ITGA2: variants seen among roughly 807,000 people sequenced by gnomAD.
ITGA2 encodes integrin subunit alpha 2.
A neutral mutation model predicts 146.3 loss-of-function variants in ITGA2; 101 were observed. The ratio of observed to expected loss-of-function variants is 0.69; its 90% CI spans 0.59 to 0.81. ITGA2 has a LOEUF of 0.81. Among genes scored for constraint, ITGA2 ranks in the 40% least tolerant of loss-of-function variants. ITGA2 has a pLI of 0.00. For missense variants in ITGA2, 1,281 were observed against 1,402.7 expected (o/e 0.91, Z 1.39); for synonymous variants, 477 against 487.1 (o/e 0.98, Z 0.27).
At chr5:53,019,357 A>G (rs957848579) in intron 1 of ITGA2, among the ~76,000 whole-genome samples, 10 of 152,170 alleles carry the variant, frequency 6.6e-5, no homozygotes, top group African/African-American at 2.4e-4. Flanking sequence ...TAAGTTTAAA[A>G]TTGTGTATCG....
chr5:53,048,819 A>C (rs1292992082), intron 6 of ITGA2, 49 bp downstream of exon 6: 11 of 1,597,306 alleles, frequency 6.9e-6, no homozygotes, highest in Non-Finnish European at 9.4e-6. Context: ...CTTTCTGAAA[A>C]AAATATTGTT....
intron 1 of ITGA2, 21 bp downstream of exon 1, chr5:52,989,553 G>C (rs1383258674): frequency 6.2e-7 from 1 of 1,613,792 alleles, no homozygotes; most frequent in Non-Finnish European, 8.5e-7. Context: ...ATTTCGCTCT[G>C]CATCGGCTGC....
intron 10 of ITGA2, 133 bp downstream of exon 10, chr5:53,058,234 G>T: frequency 5.5e-6 from 4 of 732,466 alleles, no homozygotes; most frequent in Non-Finnish European, 9.8e-6. Flanking sequence ...CGGTCATTTA[G>T]TTTCTTTGTG....
intron 14 of ITGA2, 132 bp from the exon 15 acceptor site, chr5:53,065,709 T>G: frequency 8.3e-7 from 1 of 1,200,294 alleles, no homozygotes; most frequent in South Asian, 1.3e-5. Context: ...AAAATGAATC[T>G]TTAGAATTTG....
rs937760963 is a variant in ITGA2 at position 53,065,181 on chromosome 5, G to C, written c.1806+66G>C. 2.2e-5 allele frequency: 33 copies of C among 1,478,042 alleles called. 1 individual carries two copies. The South Asian group carries it at 3.6e-4, about 16-fold the overall frequency. 91.6% of individuals were successfully genotyped at this position (1,478,042 alleles called of 1,614,324 possible). The stretch of plus-strand genomic sequence containing the variant: ...TCTTATCATATTAGACATAGAAAGC[G>C]TCATGTAAACCATGCAATCCGTCCG... On this transcript the variant is annotated intron_variant, in intron 14 of 29. Coordinates refer to ENST00000296585, the MANE Select transcript of ITGA2 (RefSeq NM_002203.4).
At chr5:53,025,596 A>T (rs950423413) in intron 1 of ITGA2, among the ~76,000 whole-genome samples, 3 of 152,228 alleles carry the variant, frequency 2.0e-5, no homozygotes, top group African/African-American at 7.2e-5. Context: ...CCTGAAATGC[A>T]GAGGCGCAAT....
At chr5:53,043,231 T>C (rs2111889484) in intron 3 of ITGA2, among the ~76,000 whole-genome samples, 1 of 151,014 alleles carries the variant, frequency 6.6e-6, no homozygotes, top group African/African-American at 2.4e-5. Context: ...AACACAAATA[T>C]ATACATTTGG....
At position 53,093,662 on chromosome 5, in the gene ITGA2, G is replaced by A. The variant is rs951457402; in HGVS notation, c.*3063G>A. ...AAGAAATTTAGGGGGAAAAAACATT[G>A]TTTAAATAAAAGCTATGTGTTCCTA... is the stretch of plus-strand genomic sequence containing the variant. On this transcript the variant is annotated 3_prime_UTR_variant, in exon 30 of 30. Transcript: ENST00000296585. The A allele has an allele frequency of 1.3e-5, 2 of 152,138 alleles. No homozygotes were observed. The highest frequency in any genetic ancestry group is 4.8e-5 in the African/African-American group (2 of 41,414). The allele number at this position is 152,138 out of a possible 1,614,324, so 9.4% of individuals were successfully genotyped here.
In ITGA2 at chr5:53,010,039, G is replaced by A. The variant is rs538216595; in HGVS notation, c.65-16709G>A. 4.3e-4 allele frequency among the ~76,000 whole-genome samples: 65 copies of A among 152,286 alleles called. No homozygotes were observed. The South Asian group carries it at 6.4e-3, about 15-fold the overall frequency. ...AAAGCATCCTCTGAAAGCAAAGGGT[G>A]TGGCTAGACATCCTTTTGTGGAAAA... On this transcript the variant is annotated intron_variant, in intron 1 of 29. Coordinates refer to ENST00000296585, the MANE Select transcript of ITGA2 (RefSeq NM_002203.4).
intron 2 of ITGA2, among the ~76,000 whole-genome samples, chr5:53,027,211 TGTAAATCATTACCTA>T (rs1414214782): frequency 1.3e-5 from 2 of 152,248 alleles, no homozygotes; most frequent in Non-Finnish European, 2.9e-5. Flanking sequence ...CATTGAACTT[TGTAAATCATTACCTA>T]GTTATTAATG....
Position 53,072,594 on chromosome 5 carries a change from C to A in ITGA2, c.2347-19C>A, listed in dbSNP as rs1457365563. 2 of 1,596,344 alleles carry A rather than the reference C, an allele frequency of 1.3e-6. No individual in the cohort carries two copies. Among genetic ancestry groups the A allele is most frequent in the Non-Finnish European group, 1.7e-6 (2 of 1,167,348 alleles). On this transcript the variant is annotated intron_variant, in intron 18 of 29. Transcript: ENST00000296585. Reference sequence around the variant, plus strand: ...TCAACCCAAGAGCAAATGTATGGATCTTTTTTCCTTTTTCGTAGATTCCTT... The same window carrying A: ...TCAACCCAAGAGCAAATGTATGGATATTTTTTCCTTTTTCGTAGATTCCTT...
In ITGA2 at chr5:53,061,028, G is replaced by C; in HGVS notation, c.1440G>C (p.Gln480His). ...AGAATGGCAATATCACGGTTATTCA[G>C]GCTCACCGAGGTGACCAGGTAAATC... ...VNENGNITVI[Q>H]AHRGDQIGSY... Residue 480 changes from glutamine to histidine, a missense_variant, in exon 12 of 30, where the codon CAG (glutamine) becomes CAC (histidine). Gln to His is a conservative substitution (Grantham distance 24). Around this residue, in one of 3 missense-constraint regions of ITGA2, gnomAD observed 795 missense variants for 841.7 expected, o/e 0.94. Transcript: ENST00000296585. 1 of 1,612,156 alleles carries C rather than the reference G, an allele frequency of 6.2e-7. No homozygotes were observed. The highest frequency in any genetic ancestry group is 1.1e-5 in the South Asian group (1 of 91,058).
rs769152064 is a variant in ITGA2, at chr5:53,042,132, G to A, written c.206G>A (p.Trp69Ter). The A allele has an allele frequency of 3.1e-6, 5 of 1,612,338 alleles. No homozygotes were observed. Among genetic ancestry groups the A allele is most frequent in the Non-Finnish European group, 4.2e-6 (5 of 1,178,414 alleles). ...TCTAGGTTACTGGTTGGTTCACCCT[G>A]GAGTGGCTTTCCTGAGAACCGAATG... Reference protein sequence around the residue: ...KGNWLLVGSPWSGFPENRMGD... With the variant: ...KGNWLLVGSP Residue 69 changes from tryptophan (W) to a stop codon, truncating the protein, a stop_gained, in exon 3 of 30, where the codon TGG (tryptophan) becomes TAG (stop). Coordinates refer to ENST00000296585, the MANE Select transcript of ITGA2 (RefSeq NM_002203.4). LOFTEE classifies it high-confidence loss of function.
At chr5:53,035,656 G>A (rs1355049298) in intron 2 of ITGA2, among the ~76,000 whole-genome samples, 1 of 152,106 alleles carries the variant, frequency 6.6e-6, no homozygotes, top group Non-Finnish European at 1.5e-5. Context: ...CTTCTTCCCA[G>A]AGACGGGCAG....
At chr5:53,039,156 T>A (rs1264016044) in intron 2 of ITGA2, among the ~76,000 whole-genome samples, 1 of 152,184 alleles carries the variant, frequency 6.6e-6, no homozygotes, top group African/African-American at 2.4e-5. Flanking sequence ...TTGGAAAGGC[T>A]TACACATAGT....
chr5:53,060,319 A>G (rs1744847568), intron 11 of ITGA2, among the ~76,000 whole-genome samples: 1 of 151,966 alleles, frequency 6.6e-6, no homozygotes, highest in South Asian at 2.1e-4. Flanking sequence ...GTCTTATAGT[A>G]TTTTAGAGCT....
chr5:53,021,582 G>C (rs1470286838), intron 1 of ITGA2, among the ~76,000 whole-genome samples: 1 of 152,090 alleles, frequency 6.6e-6, no homozygotes, highest in East Asian at 1.9e-4. Flanking sequence ...CCTGCCCTCG[G>C]CATGCTCTAG....
intron 1 of ITGA2, among the ~76,000 whole-genome samples, chr5:53,004,894 G>GTTTTTTTTTTTTTTTTTTTTT (rs548541753): frequency 1.8e-5 from 1 of 55,924 alleles, no homozygotes; most frequent in Non-Finnish European, 2.9e-5. Context: ...TAGTTGCTTT[G>GTTTTTTTTTTTTTTTTTTTTT]TTTTTTTTTT....
chr5:53,000,891 C>CTTTTTTTTTTTTTTTTTTTTTTTTTT (rs1407616111), intron 1 of ITGA2, among the ~76,000 whole-genome samples: 1 of 105,122 alleles, frequency 9.5e-6, no homozygotes. Context: ...TTTTCTTTTT[C>CTTTTTTTTTTTTTTTTTTTTTTTTTT]TTTTTGTTTT....
Sources: gnomAD v4.1 joint callset for allele counts (sites outside exome capture counted in the v4.1 genomes callset) on GRCh38, gnomAD v4.1.1 for gene constraint, gnomAD v4.1.1 regional missense constraint, MANE v1.5 for transcripts, NCBI Gene and HGNC (gene_info 2026-07-23, HGNC 2026-07-21) for gene names.